The following KIRREL1 variants were observed in gnomAD, a reference collection of about 807,000 sequenced individuals.
KIRREL1 encodes the protein kin of IRRE-like protein 1.
Under a neutral mutation model 83.3 loss-of-function variants are expected in KIRREL1, and 25 were observed. The ratio of observed to expected loss-of-function variants is 0.30; its 90% CI spans 0.22 to 0.42. KIRREL1 has a LOEUF of 0.42. KIRREL1 is among the 10% of genes least tolerant of loss of function. The pLI, the probability that KIRREL1 is intolerant of heterozygous loss-of-function variation, is 1.00. For missense variants in KIRREL1, 812 were observed against 1,032.3 expected (o/e 0.79, Z 2.92); for synonymous variants, 388 against 410.4 (o/e 0.95, Z 0.66).
At chr1:157,993,785 G>T in intron 1 of KIRREL1, 57 bp downstream of exon 1, 2 of 1,221,376 alleles carry the variant, frequency 1.6e-6, no homozygotes, top group Non-Finnish European at 2.2e-6. Flanking sequence ...CCGGGGCACT[G>T]CTTCCCCGGT....
intron 1 of KIRREL1, among the ~76,000 whole-genome samples, chr1:158,056,334 C>A (rs17454196): frequency 0.18 from 27,141 of 152,164 alleles, 2,640 homozygotes; most frequent in Middle Eastern, 0.36. Context: ...CTCCCAAGGA[C>A]TTGCCTTTCG....
intron 1 of KIRREL1, among the ~76,000 whole-genome samples, chr1:158,063,041 T>G (rs1178851580): frequency 6.6e-6 from 1 of 152,252 alleles, no homozygotes; most frequent in Non-Finnish European, 1.5e-5. Flanking sequence ...TTTATGTTTC[T>G]GTGTCTTGGC....
At chr1:158,091,667 T>A in intron 11 of KIRREL1, 111 bp downstream of exon 11, 1 of 1,029,782 alleles carries the variant, frequency 9.7e-7, no homozygotes, top group Non-Finnish European at 1.4e-6. Context: ...GGCTCTGCTC[T>A]GAGGGAGGGG....
At chr1:158,067,840 C>T (rs776933160) in intron 1 of KIRREL1, among the ~76,000 whole-genome samples, 2 of 152,318 alleles carry the variant, frequency 1.3e-5, no homozygotes, top group Admixed American at 1.3e-4. Context: ...ACTGTAAGCA[C>T]CAGCCAGCCC....
intron 1 of KIRREL1, among the ~76,000 whole-genome samples, chr1:158,022,262 A>T (rs1191472854): frequency 6.6e-6 from 1 of 152,206 alleles, no homozygotes; most frequent in Non-Finnish European, 1.5e-5. Flanking sequence ...GGATAAGAGC[A>T]TTATAAGTAT....
intron 1 of KIRREL1, among the ~76,000 whole-genome samples, chr1:158,013,732 C>T (rs942145158): frequency 3.3e-5 from 5 of 152,320 alleles, no homozygotes; most frequent in African/African-American, 9.6e-5. Context: ...CACCTCCCGC[C>T]GACTAGAAAA....
Position 158,098,425 on chromosome 1 carries a change from C to G in KIRREL1, c.*3305C>G, listed in dbSNP as rs1224244935. 6.6e-6 allele frequency: 1 copy of G among 152,226 alleles called. No homozygotes were observed. Among genetic ancestry groups the G allele is most frequent in the Non-Finnish European group, 1.5e-5 (1 of 68,052 alleles). 9.4% of individuals were successfully genotyped at this position (152,226 alleles called of 1,614,324 possible). A position where few individuals can be genotyped will look rare whatever the true frequency, so the allele number is the denominator to read the frequency against. ...CCCAGGGACAGCTTGTTCTTCTCAC[C>G]AAACAGGTGAAGCCTGCAGTCCAAG... On this transcript the variant is annotated 3_prime_UTR_variant, in exon 15 of 15. Transcript: ENST00000359209.
At position 158,076,258 on chromosome 1, in the gene KIRREL1, C is replaced by A. The variant is rs748515520; in HGVS notation, c.198C>A (p.Leu66=). Residue 66 remains leucine (L), a synonymous_variant, in exon 2 of 15, where the codon CTC becomes CTA. Coordinates refer to ENST00000359209, the MANE Select transcript of KIRREL1 (RefSeq NM_018240.7). ...DGLALGMGQG[L]KAWPRYRVVG... is the part of the protein sequence containing the mutation. ...TGGCCCTGGGCATGGGCCAGGGCCT[C>A]AAAGGTGAGTGCCTGGCTACCCAAC... The A allele has an allele frequency of 6.2e-7, 1 of 1,613,808 alleles. No homozygotes were observed. The highest frequency in any genetic ancestry group is 1.1e-5 in the South Asian group (1 of 91,046).
At chr1:158,070,534 G>C (rs145252230) in intron 1 of KIRREL1, among the ~76,000 whole-genome samples, 1 of 152,276 alleles carries the variant, frequency 6.6e-6, no homozygotes, top group African/African-American at 2.4e-5. Context: ...TGTTATCCAG[G>C]GGCTCCCAAG....
At position 158,088,165 on chromosome 1, in the gene KIRREL1, G is replaced by A; in HGVS notation, c.916+11G>A. 6.2e-7 allele frequency: 1 copy of A among 1,614,204 alleles called. No individual in the cohort carries two copies. Among genetic ancestry groups the A allele is most frequent in the Non-Finnish European group, 8.5e-7 (1 of 1,180,040 alleles). ...TAGTAAATGTCCACTGTGAGTAGCT[G>A]GGAGGGCAGGGACGGGGACAGAGAG... is the stretch of plus-strand genomic sequence containing the variant. On this transcript the variant is annotated intron_variant, in intron 7 of 14. Transcript: ENST00000359209.
intron 1 of KIRREL1, among the ~76,000 whole-genome samples, chr1:158,066,218 C>T (rs1161856842): frequency 6.6e-6 from 1 of 152,046 alleles, no homozygotes; most frequent in Non-Finnish European, 1.5e-5. Context: ...TGACCCTCAG[C>T]TCCTTCAAAA....
At chr1:158,039,043 A>T (rs1306359005) in intron 1 of KIRREL1, among the ~76,000 whole-genome samples, 1 of 152,190 alleles carries the variant, frequency 6.6e-6, no homozygotes, top group African/African-American at 2.4e-5. Flanking sequence ...AGCCAGGCTG[A>T]CCACATGCTG....
At chr1:158,066,919 C>T (rs1661371044) in intron 1 of KIRREL1, among the ~76,000 whole-genome samples, 2 of 152,208 alleles carry the variant, frequency 1.3e-5, no homozygotes, top group Non-Finnish European at 2.9e-5. Flanking sequence ...CAGAACCATC[C>T]ATCAGCCCTA....
chr1:158,010,361 A>ACACACACACC (rs1491267940), intron 1 of KIRREL1, among the ~76,000 whole-genome samples: 2 of 51,560 alleles, frequency 3.9e-5, no homozygotes, highest in East Asian at 3.6e-4. Flanking sequence ...ACACACACAC[A>ACACACACACC]CCCCACACAG....
intron 10 of KIRREL1, among the ~76,000 whole-genome samples, chr1:158,090,417 G>A (rs998064186): frequency 1.3e-5 from 2 of 152,064 alleles, no homozygotes; most frequent in African/African-American, 2.4e-5. Context: ...AATTCCTTCC[G>A]TGACTATTAA....
At chr1:158,038,936 C>A (rs146890012) in intron 1 of KIRREL1, among the ~76,000 whole-genome samples, 9 of 152,324 alleles carry the variant, frequency 5.9e-5, no homozygotes, top group African/African-American at 2.2e-4. Context: ...GTTCCACAGA[C>A]TATAAAGAAC....
chr1:158,027,559 C>T (rs1390675686), intron 1 of KIRREL1, among the ~76,000 whole-genome samples: 2 of 152,204 alleles, frequency 1.3e-5, no homozygotes, highest in African/African-American at 2.4e-5. Context: ...ACTGAAGCCA[C>T]CAAGGGGCTG....
intron 1 of KIRREL1, among the ~76,000 whole-genome samples, chr1:157,994,100 C>T (rs1253744276): frequency 6.6e-6 from 1 of 152,198 alleles, no homozygotes; most frequent in African/African-American, 2.4e-5. Context: ...CTGAGTCCAG[C>T]CTAAGGGCAA....
In KIRREL1 at chr1:158,099,158, C is replaced by G. The variant is rs935452980; in HGVS notation, c.*4038C>G. 1 of 152,238 alleles carries G rather than the reference C, an allele frequency of 6.6e-6. No homozygotes were observed. Among genetic ancestry groups the G allele is most frequent in the African/African-American group, 2.4e-5 (1 of 41,448 alleles). The allele number at this position is 152,238 out of a possible 1,614,324, so 9.4% of individuals were successfully genotyped here. On this transcript the variant is annotated 3_prime_UTR_variant, in exon 15 of 15. Transcript: ENST00000359209. Reference sequence around the variant, plus strand: ...TTAGTGCTGTCTGACCTGAGCCAGGCCACTGCTTGGTGCCTCTACAGGCCA... The same window carrying G: ...TTAGTGCTGTCTGACCTGAGCCAGGGCACTGCTTGGTGCCTCTACAGGCCA...
Sources: gnomAD v4.1 joint callset for allele counts (sites outside exome capture counted in the v4.1 genomes callset) on GRCh38, gnomAD v4.1.1 for gene constraint, MANE v1.5 for transcripts, NCBI Gene and HGNC (gene_info 2026-07-23, HGNC 2026-07-21) for gene names.